MDGA2: variants seen among roughly 807,000 people sequenced by gnomAD.
MDGA2 encodes the protein MAM domain-containing glycosylphosphatidylinositol anchor protein 2.
In MDGA2, 40 loss-of-function variants were observed where a neutral mutation model predicts 117.8. The observed-to-expected ratio is 0.34, with a 90% CI of 0.26 to 0.44. The LOEUF (loss-of-function observed/expected upper bound fraction) is 0.44, where lower values mean the gene tolerates loss of function less well. MDGA2 is among the 20% of genes least tolerant of loss of function. The pLI is 1.00. For synonymous variants in MDGA2, 452 were observed against 439.0 expected (o/e 1.03, Z -0.37); for missense variants, 1,123 against 1,250.6 (o/e 0.90, Z 1.54).
At chr14:46,868,948 G>A (rs867144662) in intron 14 of MDGA2, among the ~76,000 whole-genome samples, 2 of 151,740 alleles carry the variant, frequency 1.3e-5, no homozygotes, top group African/African-American at 2.4e-5. Flanking sequence ...TTTTTTTACC[G>A]CTTTAGTGGA....
At chr14:47,173,148 A>G (rs1490475796) in intron 3 of MDGA2, among the ~76,000 whole-genome samples, 3 of 152,212 alleles carry the variant, frequency 2.0e-5, no homozygotes, top group East Asian at 1.9e-4. Flanking sequence ...ATGGGACTAT[A>G]CGAAAAGACC....
intron 10 of MDGA2, among the ~76,000 whole-genome samples, chr14:46,916,422 G>GT (rs1195053401): frequency 6.7e-6 from 1 of 149,876 alleles, no homozygotes; most frequent in Admixed American, 6.6e-5. Flanking sequence ...CCTTTAGAAT[G>GT]TAAAAAAAAA....
At chr14:47,507,042 C>G (rs1894528417) in intron 1 of MDGA2, among the ~76,000 whole-genome samples, 1 of 150,978 alleles carries the variant, frequency 6.6e-6, no homozygotes, top group African/African-American at 2.4e-5. Flanking sequence ...TGTGCTCTTC[C>G]AAGTTACTTC....
intron 6 of MDGA2, among the ~76,000 whole-genome samples, chr14:47,073,523 C>T (rs1420435703): frequency 6.6e-6 from 1 of 152,198 alleles, no homozygotes. Flanking sequence ...TTTCTGAGCA[C>T]TCACAGCATG....
chr14:47,175,082 A>T (rs377572720), intron 3 of MDGA2, among the ~76,000 whole-genome samples: 16,952 of 150,132 alleles, frequency 0.11, 1,145 homozygotes, highest in African/African-American at 0.18. Flanking sequence ...ACATACACCC[A>T]CCCAAGACTA....
chr14:46,899,953 T>A (rs1883221327), intron 10 of MDGA2, among the ~76,000 whole-genome samples: 1 of 151,966 alleles, frequency 6.6e-6, no homozygotes, highest in South Asian at 2.1e-4. Context: ...TGTGTCAATA[T>A]CCATATATAC....
chr14:47,612,210 AG>A (rs1472199909), intron 1 of MDGA2, among the ~76,000 whole-genome samples: 503 of 25,706 alleles, frequency 0.02, 1 homozygote, highest in East Asian at 0.12. Flanking sequence ...ATAGATAGAC[AG>A]ATAGATAGAT....
At chr14:47,513,900 A>G (rs1477657632) in intron 1 of MDGA2, among the ~76,000 whole-genome samples, 1 of 152,162 alleles carries the variant, frequency 6.6e-6, no homozygotes, top group East Asian at 1.9e-4. Flanking sequence ...GAACTCAGAT[A>G]CTATTGGAAT....
chr14:46,878,055 C>T (rs947450957), intron 11 of MDGA2, among the ~76,000 whole-genome samples: 1 of 151,826 alleles, frequency 6.6e-6, no homozygotes, highest in African/African-American at 2.4e-5. Context: ...TGTTTAATTA[C>T]AGTAAAATAT....
chr14:47,462,375 CAAAA>C (rs373508880), intron 1 of MDGA2, among the ~76,000 whole-genome samples: 1 of 96,062 alleles, frequency 1.0e-5, no homozygotes. Flanking sequence ...GACTCCGTCC[CAAAA>C]AAAAAAAAAA....
intron 2 of MDGA2, among the ~76,000 whole-genome samples, chr14:47,265,079 A>G (rs1405947655): frequency 1.3e-5 from 2 of 152,166 alleles, no homozygotes; most frequent in African/African-American, 4.8e-5. Flanking sequence ...GCATTTGCCA[A>G]TTTCTATGAT....
In MDGA2 at chr14:47,430,836, G is replaced by C. The variant is rs1010147925; in HGVS notation, c.281-129286C>G. On this transcript the variant is annotated intron_variant, in intron 1 of 16. Coordinates refer to ENST00000399232, the MANE Select transcript of MDGA2 (RefSeq NM_001113498.3). Reference sequence around the variant, plus strand: ...CTAAATTCAAATACTGGTGCCACCAGTCTAGCTGTTTGACTAGGGGCAAGT... The same window carrying C: ...CTAAATTCAAATACTGGTGCCACCACTCTAGCTGTTTGACTAGGGGCAAGT... Among the ~76,000 whole-genome samples the C allele has an allele frequency of 1.2e-4, 18 of 152,072 alleles. 1 individual carries two copies. Among genetic ancestry groups the C allele is most frequent in the African/African-American group, 3.9e-4 (16 of 41,430 alleles).
At chr14:47,009,623 G>A (rs1009516200) in intron 8 of MDGA2, among the ~76,000 whole-genome samples, 1 of 152,032 alleles carries the variant, frequency 6.6e-6, no homozygotes, top group African/African-American at 2.4e-5. Flanking sequence ...GTGACACAAT[G>A]AATGAACACT....
At chr14:47,043,877 T>C (rs992178174) in intron 7 of MDGA2, among the ~76,000 whole-genome samples, 8 of 152,148 alleles carry the variant, frequency 5.3e-5, no homozygotes. Context: ...AATTTAAGTT[T>C]CTTGTTCTAT....
intron 1 of MDGA2, among the ~76,000 whole-genome samples, chr14:47,426,874 C>CTG (rs946681828): frequency 6.6e-6 from 1 of 151,480 alleles, no homozygotes; most frequent in Non-Finnish European, 1.5e-5. Flanking sequence ...TTATAATATA[C>CTG]TGCTTGGTGA....
chr14:46,845,715 G>T (rs770442537), intron 16 of MDGA2, 51 bp downstream of exon 16: 16 of 1,082,498 alleles, frequency 1.5e-5, no homozygotes, highest in Non-Finnish European at 2.2e-5. Context: ...TAATTTAATA[G>T]TAATGTTACT....
intron 1 of MDGA2, among the ~76,000 whole-genome samples, chr14:47,608,160 G>A (rs1172602592): frequency 6.6e-6 from 1 of 152,074 alleles, no homozygotes; most frequent in Non-Finnish European, 1.5e-5. Context: ...CTCATGGTGG[G>A]AAAGATATCA....
intron 1 of MDGA2, among the ~76,000 whole-genome samples, chr14:47,648,917 T>A (rs2138264466): frequency 6.6e-6 from 1 of 152,244 alleles, no homozygotes; most frequent in African/African-American, 2.4e-5. Flanking sequence ...AGATAATACA[T>A]TTTTACCTAA....
chr14:47,226,215 CCA>C (rs1886494117), intron 2 of MDGA2, among the ~76,000 whole-genome samples: 1 of 129,960 alleles, frequency 7.7e-6, no homozygotes, highest in Non-Finnish European at 1.6e-5. Flanking sequence ...CACTGTCTCA[CCA>C]TAAATAAATA....
Sources: allele counts gnomAD v4.1 joint callset (sites outside exome capture counted in the v4.1 genomes callset), GRCh38; gene constraint gnomAD v4.1.1; transcripts MANE v1.5; gene names NCBI Gene and HGNC (gene_info 2026-07-23, HGNC 2026-07-21).